SLC5A9: variants seen among roughly 807,000 people sequenced by gnomAD.
SLC5A9 encodes sodium/glucose cotransporter 4.
In SLC5A9, 59 loss-of-function variants were observed where a neutral mutation model predicts 70.9. The observed-to-expected ratio is 0.83, with a 90% CI of 0.68 to 1.03. SLC5A9 has a LOEUF of 1.03. Among genes scored for constraint, SLC5A9 ranks in the 50% least tolerant of loss-of-function variants. The pLI, the probability that SLC5A9 is intolerant of heterozygous loss-of-function variation, is 0.00. For missense variants in SLC5A9, 832 were observed against 881.1 expected (o/e 0.94, Z 0.71); for synonymous variants, 340 against 346.5 (o/e 0.98, Z 0.21).
chr1:48,243,101 C>A (rs374210958), intron 13 of SLC5A9, among the ~76,000 whole-genome samples: 1 of 152,174 alleles, frequency 6.6e-6, no homozygotes, highest in East Asian at 1.9e-4. Context: ...AATGTTACAC[C>A]CACGGTGTTT....
Position 48,239,557 on chromosome 1 carries a change from T to C in SLC5A9, c.1677+20T>C. 1 of 1,607,782 alleles carries C rather than the reference T, an allele frequency of 6.2e-7. No homozygotes were observed. The highest frequency in any genetic ancestry group is 8.5e-7 in the Non-Finnish European group (1 of 1,174,232). On this transcript the variant is annotated intron_variant, in intron 12 of 13. Transcript: ENST00000438567. The surrounding 1 kb of genome is among the most constrained non-coding windows in gnomAD (Gnocchi z 4.2). ...GAACAGGCAAGTGTTGTGCTCATACTGAGGCCCTCCAGAAATGCTCTCCCT... is the reference window on the plus strand; with the variant it reads ...GAACAGGCAAGTGTTGTGCTCATACCGAGGCCCTCCAGAAATGCTCTCCCT...
rs753886062 is a variant in SLC5A9, at chr1:48,222,786, T to C, written c.50T>C (p.Val17Ala). ...GGGCCTGGAGCTTCAGGGGACGGGG[T>C]CAGGACTGAGACAGCTCCACACATA... ...AMGPGASGDGVRTETAPHIAL... is the reference protein window; with the variant it reads ...AMGPGASGDGARTETAPHIAL... Residue 17 changes from valine to alanine, a missense_variant, in exon 1 of 14, where the codon GTC becomes GCC. Coordinates refer to ENST00000438567, the MANE Select transcript of SLC5A9 (RefSeq NM_001011547.3). The C allele has an allele frequency of 6.2e-7, 1 of 1,613,828 alleles. No individual in the cohort carries two copies. The highest frequency in any genetic ancestry group is 1.1e-5 in the South Asian group (1 of 91,032).
intron 12 of SLC5A9, chr1:48,241,137 AC>A (rs1644386218): frequency 6.6e-6 from 1 of 151,452 alleles, no homozygotes; most frequent in South Asian, 2.1e-4. Flanking sequence ...TTCCTTAGGA[AC>A]CCATCTGTGG....
At chr1:48,224,496 G>A (rs114774565) in intron 1 of SLC5A9, among the ~76,000 whole-genome samples, 3 of 152,160 alleles carry the variant, frequency 2.0e-5, no homozygotes, top group Non-Finnish European at 2.9e-5. Flanking sequence ...TTTGCTCTTC[G>A]CACTGGCCCT....
chr1:48,247,339 A>G lies in SLC5A9; in HGVS notation c.1842A>G (p.Pro614=), dbSNP rs148285426. Residue 614 remains proline, a synonymous_variant, in exon 14 of 14, where the codon CCA becomes CCG. Coordinates refer to ENST00000438567, the MANE Select transcript of SLC5A9 (RefSeq NM_001011547.3). The stretch of plus-strand genomic sequence containing the variant: ...CTTCTGGCTTTGTCCCTCCAGCCCC[A>G]AGCAGGTCCTGGGGAAAGTTGCTCT... ...SSLGQEQPEA[P]SRSWGKLLWS... is the part of the protein sequence containing the mutation. The G allele has an allele frequency of 4.3e-6, 7 of 1,613,594 alleles. No homozygotes were observed. The highest frequency in any genetic ancestry group is 5.9e-6 in the Non-Finnish European group (7 of 1,179,830).
rs1364312196 is a variant in SLC5A9 at position 48,239,916 on chromosome 1, C to A, written c.1677+379C>A. ...GGGAGAGGCAGTCACCTCCTGGGGG[C>A]CCAGGGAGGGCACACTGATGAGGAC... On this transcript the variant is annotated intron_variant, in intron 12 of 13. Coordinates refer to ENST00000438567, the MANE Select transcript of SLC5A9 (RefSeq NM_001011547.3). This position sits in a 1 kb window ranked among gnomAD's most constrained non-coding sequence, Gnocchi z 4.2. 6.6e-6 allele frequency among the ~76,000 whole-genome samples: 1 copy of A among 152,160 alleles called. No homozygotes were observed. The highest frequency in any genetic ancestry group is 6.5e-5 in the Admixed American group (1 of 15,276).
intron 9 of SLC5A9, among the ~76,000 whole-genome samples, chr1:48,235,527 A>T (rs1323601756): frequency 6.6e-6 from 1 of 152,140 alleles, no homozygotes; most frequent in African/African-American, 2.4e-5. Context: ...CAAGGCAGGG[A>T]CAGAGCCTGG....
At chr1:48,236,840 A>G (rs1644333764) in intron 10 of SLC5A9, among the ~76,000 whole-genome samples, 1 of 152,166 alleles carries the variant, frequency 6.6e-6, no homozygotes, top group South Asian at 2.1e-4. Flanking sequence ...TGAGTGCAGG[A>G]CAGATTGTGC....
At chr1:48,228,975 T>G (rs1644205130) in intron 3 of SLC5A9, 21 bp downstream of exon 3, 6 of 1,613,262 alleles carry the variant, frequency 3.7e-6, no homozygotes, top group Non-Finnish European at 5.1e-6. Context: ...TGGCCTGGTT[T>G]CTCCAGAATA....
rs138756482 is a variant in SLC5A9 at position 48,233,822 on chromosome 1, C to T, written c.1141+60C>T. 1.7e-4 allele frequency: 210 copies of T among 1,258,114 alleles called. No individual in the cohort carries two copies. In the African/African-American group the frequency reaches 2.6e-3, roughly 16 times the overall value. The allele number at this position is 1,258,114 out of a possible 1,614,324, so 77.9% of individuals were successfully genotyped here. On this transcript the variant is annotated intron_variant, in intron 9 of 13. Transcript: ENST00000438567. ...CACCTCCAGCCTCCTCCAATCTCCA[C>T]TGCCCAGGAGGGAAGGCACTAACAT...
Position 48,239,797 on chromosome 1 carries a change from T to C in SLC5A9, c.1677+260T>C, listed in dbSNP as rs1420324362. On this transcript the variant is annotated intron_variant, in intron 12 of 13. Coordinates refer to ENST00000438567, the MANE Select transcript of SLC5A9 (RefSeq NM_001011547.3). This position sits in a 1 kb window ranked among gnomAD's most constrained non-coding sequence, Gnocchi z 4.2. ...AAGATGAATGGTCCCTGCCAGAGACTATCCTCAGGGAGAAACAGACGCTGA... is the reference window on the plus strand; with the variant it reads ...AAGATGAATGGTCCCTGCCAGAGACCATCCTCAGGGAGAAACAGACGCTGA... Among the ~76,000 whole-genome samples, 1 of 152,186 alleles carries C rather than the reference T, an allele frequency of 6.6e-6. No homozygotes were observed. The highest frequency in any genetic ancestry group is 1.5e-5 in the Non-Finnish European group (1 of 68,038).
chr1:48,247,439 A>G lies in SLC5A9; in HGVS notation c.1942A>G (p.Lys648Glu). ...AGCAGAGAAGGCTGCGCTAGAACAG[A>G]AGCTGACAAGCATTGAGGAGGAGCC... ...SPAEKAALEQKLTSIEEEPLW... is the reference protein window; with the variant it reads ...SPAEKAALEQELTSIEEEPLW... The change falls in exon 14 of 14, where the codon AAG becomes GAG. Residue 648 changes from lysine to glutamate, a missense_variant. Coordinates refer to ENST00000438567, the MANE Select transcript of SLC5A9 (RefSeq NM_001011547.3). The G allele has an allele frequency of 2.5e-6, 4 of 1,614,192 alleles. No individual in the cohort carries two copies. The highest frequency in any genetic ancestry group is 3.4e-6 in the Non-Finnish European group (4 of 1,180,044).
chr1:48,223,487 C>T (rs1302691856), intron 1 of SLC5A9, among the ~76,000 whole-genome samples: 4 of 152,116 alleles, frequency 2.6e-5, no homozygotes, highest in Non-Finnish European at 5.9e-5. Context: ...ACATATGAGG[C>T]CTATCAGCTT....
Position 48,222,894 on chromosome 1 carries a change from T to A in SLC5A9, c.158T>A (p.Ile53Asn). The A allele has an allele frequency of 6.2e-7, 1 of 1,613,850 alleles. No individual in the cohort carries two copies. Among genetic ancestry groups the A allele is most frequent in the Non-Finnish European group, 8.5e-7 (1 of 1,179,918 alleles). ...IYFVFVIAVG[I>N]WSSIRASRGT... ...TTTGTCTTCGTCATTGCTGTGGGGA[T>A]CTGGGTAAGTGGGCCCTGAGGCTGG... is the stretch of plus-strand genomic sequence containing the variant. The change falls in exon 1 of 14, where the codon ATC becomes AAC. Residue 53 changes from isoleucine to asparagine, a missense_variant. Coordinates refer to ENST00000438567, the MANE Select transcript of SLC5A9 (RefSeq NM_001011547.3).
In SLC5A9 at chr1:48,229,058, T is replaced by C. The variant is rs967386917; in HGVS notation, c.339+104T>C. Reference sequence around the variant, plus strand: ...CCTTAGAGATGCCTGGGAGGCTACATGGTGAATCGAGAATCCATTTCACAA... The same window carrying C: ...CCTTAGAGATGCCTGGGAGGCTACACGGTGAATCGAGAATCCATTTCACAA... On this transcript the variant is annotated intron_variant, in intron 3 of 13. Coordinates refer to ENST00000438567, the MANE Select transcript of SLC5A9 (RefSeq NM_001011547.3). The C allele has an allele frequency of 4.3e-6, 7 of 1,613,838 alleles. No individual in the cohort carries two copies. The African/African-American group carries it at 6.7e-5, about 15-fold the overall frequency.
intron 11 of SLC5A9, 123 bp downstream of exon 11, chr1:48,237,970 A>G: frequency 1.0e-6 from 1 of 995,206 alleles, no homozygotes; most frequent in Non-Finnish European, 1.5e-6. Context: ...TTTCCTGACC[A>G]CAGCATCCAG....
chr1:48,237,919 C>A, intron 11 of SLC5A9, 72 bp downstream of exon 11: 1 of 1,499,178 alleles, frequency 6.7e-7, no homozygotes. Flanking sequence ...CACCTGGTCT[C>A]TGTGACCTTG....
At chr1:48,227,184 T>TGTACTGTGCCTGTGTGTGTGA (rs1644164094) in intron 2 of SLC5A9, among the ~76,000 whole-genome samples, 1 of 135,638 alleles carries the variant, frequency 7.4e-6, no homozygotes, top group Non-Finnish European at 1.6e-5. Flanking sequence ...TGCGTGTGTG[T>TGTACTGTGCCTGTGTGTGTGA]GTGTACTGTG....
chr1:48,228,787 C>T (rs2148567667), intron 2 of SLC5A9, 63 bp from the exon 3 acceptor site: 1 of 1,594,442 alleles, frequency 6.3e-7, no homozygotes, highest in South Asian at 1.1e-5. Flanking sequence ...ACTCATGGTC[C>T]TCGCTCCAGA....
Sources: gnomAD v4.1 joint callset for allele counts (sites outside exome capture counted in the v4.1 genomes callset) on GRCh38, gnomAD v4.1.1 for gene constraint, Gnocchi (gnomAD v3.1) non-coding constraint, MANE v1.5 for transcripts, NCBI Gene and HGNC (gene_info 2026-07-23, HGNC 2026-07-21) for gene names.